The following MNT variants were observed in gnomAD, a reference collection of about 807,000 sequenced individuals.
MNT encodes max-binding protein MNT.
MNT carries 13 observed loss-of-function variants against 40.7 expected under a neutral mutation model. The observed-to-expected ratio is 0.32, with a 90% CI of 0.21 to 0.51. The LOEUF is 0.51. MNT is among the 20% of genes least tolerant of loss of function. The pLI is 0.98. For missense variants in MNT, 757 were observed against 792.0 expected, an observed-to-expected ratio of 0.96 and a Z score of 0.53; for synonymous variants, 426 against 354.8, an observed-to-expected ratio of 1.20 and a Z score of -2.26.
At chr17:2,395,529 C>G in intron 1 of MNT, 75 bp from the exon 2 acceptor site, 1 of 1,590,350 alleles carries the variant, frequency 6.3e-7, no homozygotes. Context: ...GTCCTCTGAC[C>G]CTAGCCCAGT....
In MNT at chr17:2,384,845, C is replaced by A. The variant is rs1323215979; in HGVS notation, c.*2056G>T. The A allele has an allele frequency of 6.6e-6, 1 of 152,646 alleles. No homozygotes were observed. 9.5% of individuals were successfully genotyped at this position (152,646 alleles called of 1,614,324 possible). A position where few individuals can be genotyped will look rare whatever the true frequency, so the allele number is the denominator to read the frequency against. On this transcript the variant is annotated 3_prime_UTR_variant, in exon 6 of 6. Transcript: ENST00000174618. ...GTCATTCGGCACTAGATTTGCAGGC[C>A]CCCGATGCTGGGGGACAGGGACGGG...
At position 2,394,273 on chromosome 17, in the gene MNT, G is replaced by A. The variant is rs187892048; in HGVS notation, c.695+32C>T. 1,255 of 1,351,662 alleles carry A rather than the reference G, an allele frequency of 9.3e-4. 12 individuals are homozygous for A. The East Asian group carries it at 9.4e-3, about 10-fold the overall frequency. The allele number at this position is 1,351,662 out of a possible 1,614,324, so 83.7% of individuals were successfully genotyped here. Reference sequence around the variant, plus strand: ...GGGCCCGGGTCGCGCGCGCACGCACGCACGCACACACACACACACACACAC... The same window carrying A: ...GGGCCCGGGTCGCGCGCGCACGCACACACGCACACACACACACACACACAC... On this transcript the variant is annotated intron_variant, in intron 3 of 5. Coordinates refer to ENST00000174618, the MANE Select transcript of MNT (RefSeq NM_020310.3).
Position 2,384,286 on chromosome 17 carries a change from C to A in MNT, c.*2615G>T, listed in dbSNP as rs2151660752. On this transcript the variant is annotated 3_prime_UTR_variant, in exon 6 of 6. Coordinates refer to ENST00000174618, the MANE Select transcript of MNT (RefSeq NM_020310.3). The stretch of plus-strand genomic sequence containing the variant: ...CAGATGTATCCAAACACATAAAAAT[C>A]TCTACAGTCTGGGGTCGCTACAGTT... The A allele has an allele frequency of 6.6e-6, 1 of 151,162 alleles. No homozygotes were observed. Among genetic ancestry groups the A allele is most frequent in the African/African-American group, 2.4e-5 (1 of 40,972 alleles). 9.4% of individuals were successfully genotyped at this position (151,162 alleles called of 1,614,324 possible).
At chr17:2,389,139 C>T (rs1014487969) in intron 4 of MNT, 2 of 152,678 alleles carry the variant, frequency 1.3e-5, no homozygotes, top group Non-Finnish European at 2.9e-5. Context: ...CCTACCTCCC[C>T]CACTGTCCTT....
At chr17:2,399,027 CGCG>C (rs1472839985) in intron 1 of MNT, among the ~76,000 whole-genome samples, 3 of 151,384 alleles carry the variant, frequency 2.0e-5, no homozygotes, top group Non-Finnish European at 4.4e-5. Flanking sequence ...CCCCGCCCGC[CGCG>C]GCGGCGGCAC....
Position 2,387,890 on chromosome 17 carries a change from C to A in MNT, c.967G>T (p.Glu323Ter). The A allele has an allele frequency of 6.2e-7, 1 of 1,602,792 alleles. No individual in the cohort carries two copies. The highest frequency in any genetic ancestry group is 8.5e-7 in the Non-Finnish European group (1 of 1,178,552). Residue 323 changes from glutamate to a stop codon, truncating the protein, a stop_gained, in exon 5 of 6, where the codon GAG becomes TAG. Coordinates refer to ENST00000174618, the MANE Select transcript of MNT (RefSeq NM_020310.3). LOFTEE classifies it high-confidence loss of function. ...DRVLRQTGQP[E>*]DDQASTSTAS... ...GTGGAGGTGGAGGCCTGGTCATCCT[C>A]GGGCTGGCCCGTCTGCCGCAGCACG...
At position 2,395,123 on chromosome 17, in the gene MNT, G is replaced by A. The variant is rs1290134657; in HGVS notation, c.405C>T (p.Ala135=). The A allele has an allele frequency of 3.2e-5, 47 of 1,479,444 alleles. No individual in the cohort carries two copies. The highest frequency in any genetic ancestry group is 4.1e-5 in the Non-Finnish European group (46 of 1,116,964). 91.6% of individuals were successfully genotyped at this position (1,479,444 alleles called of 1,614,324 possible). A position where few individuals can be genotyped will look rare whatever the true frequency, so the allele number is the denominator to read the frequency against. ...GAPGLSIKEP[A]PLPSRPQVPT... is the part of the protein sequence containing the mutation. The stretch of plus-strand genomic sequence containing the variant: ...GCACCTGCGGCCTGCTGGGCAGGGG[G>A]GCAGGCTCCTTAATGCTGAGTCCGG... Residue 135 remains alanine, a synonymous_variant, in exon 2 of 6, where the codon GCC becomes GCT. Coordinates refer to ENST00000174618, the MANE Select transcript of MNT (RefSeq NM_020310.3).
At position 2,386,790 on chromosome 17, in the gene MNT, G is replaced by C. The variant is rs2066465625; in HGVS notation, c.*111C>G. On this transcript the variant is annotated 3_prime_UTR_variant, in exon 6 of 6. Transcript: ENST00000174618. The stretch of plus-strand genomic sequence containing the variant: ...CCTTCCCCTAGGAGGCCTGGGGGTG[G>C]GTGGGGGGGCTGGCCTGGGCCTGGC... 8.4e-7 allele frequency: 1 copy of C among 1,190,944 alleles called. No individual in the cohort carries two copies. Among genetic ancestry groups the C allele is most frequent in the African/African-American group, 1.6e-5 (1 of 64,198 alleles). 73.8% of individuals were successfully genotyped at this position (1,190,944 alleles called of 1,614,324 possible).
chr17:2,398,924 ACT>A (rs761798375), intron 1 of MNT, among the ~76,000 whole-genome samples: 62 of 151,494 alleles, frequency 4.1e-4, no homozygotes, highest in Non-Finnish European at 7.2e-4. Flanking sequence ...ATCTCCAGTG[ACT>A]CTTGACCTTG....
Position 2,387,503 on chromosome 17 carries a change from G to A in MNT, c.1147C>T (p.His383Tyr), listed in dbSNP as rs2066476047. Residue 383 changes from histidine (H) to tyrosine (Y), a missense_variant, in exon 6 of 6, where the codon CAC becomes TAC. This residue lies in a region of MNT where 345 missense variants were observed against 380.1 expected (regional missense o/e 0.91). Coordinates refer to ENST00000174618, the MANE Select transcript of MNT (RefSeq NM_020310.3). ...TTPAPLPPHP[H>Y]PHPHSVALPP... is the part of the protein sequence containing the mutation. ...AGGGCCACGGAGTGGGGGTGAGGGT[G>A]TGGGTGTGGAGGCAGAGGCGCAGGG... 1 of 1,613,044 alleles carries A rather than the reference G, an allele frequency of 6.2e-7. No individual in the cohort carries two copies. Among genetic ancestry groups the A allele is most frequent in the Non-Finnish European group, 8.5e-7 (1 of 1,179,716 alleles).
At chr17:2,388,365 G>A in intron 4 of MNT, 1 of 341,634 alleles carries the variant, frequency 2.9e-6, no homozygotes, top group East Asian at 5.7e-5. Flanking sequence ...CCCTCCTCCA[G>A]CAGCCTCTTC....
At chr17:2,399,893 G>C (rs2066602866) in intron 1 of MNT, among the ~76,000 whole-genome samples, 1 of 152,212 alleles carries the variant, frequency 6.6e-6, no homozygotes, top group Non-Finnish European at 1.5e-5. Flanking sequence ...CCCGGGGGCT[G>C]ACCCCCAGCG....
rs544345140 is a variant in MNT at position 2,393,796 on chromosome 17, C to T, written c.807+247G>A. The T allele has an allele frequency of 3.5e-5, 7 of 202,328 alleles. No homozygotes were observed. In the East Asian group the frequency reaches 7.5e-4, roughly 22 times the overall value. The allele number at this position is 202,328 out of a possible 1,614,324, so 12.5% of individuals were successfully genotyped here. A position where few individuals can be genotyped will look rare whatever the true frequency, so the allele number is the denominator to read the frequency against. On this transcript the variant is annotated intron_variant, in intron 4 of 5. Transcript: ENST00000174618. ...GGCGCGCGCCTCACGGCCCCGGGGA[C>T]GCCGAGGCTGCAGGGGCTCGGGAGC... is the stretch of plus-strand genomic sequence containing the variant.
chr17:2,390,050 A>G (rs932882684), intron 4 of MNT: 1 of 152,102 alleles, frequency 6.6e-6, no homozygotes, highest in African/African-American at 2.4e-5. Context: ...CGGCTCATAC[A>G]AAGTCTCTCA....
chr17:2,395,100 A>T lies in MNT; in HGVS notation c.428T>A (p.Val143Glu). ...CGGCAGTAGGGGAGCAGGGGTGGGC[A>T]CCTGCGGCCTGCTGGGCAGGGGGGC... ...EPAPLPSRPQ[V>E]PTPAPLLPDS... The change falls in exon 2 of 6, where the codon GTG becomes GAG. Residue 143 changes from valine (V) to glutamate (E), a missense_variant. Physicochemically the swap from Val to Glu is moderately radical, Grantham distance 121 (BLOSUM62 -2). This residue lies in a region of MNT where 335 missense variants were observed against 291.4 expected (regional missense o/e 1.15). Transcript: ENST00000174618. 1 of 1,499,830 alleles carries T rather than the reference A, an allele frequency of 6.7e-7. No individual in the cohort carries two copies. Among genetic ancestry groups the T allele is most frequent in the Non-Finnish European group, 8.9e-7 (1 of 1,126,042 alleles). The allele number at this position is 1,499,830 out of a possible 1,614,324, so 92.9% of individuals were successfully genotyped here.
Position 2,387,603 on chromosome 17 carries a change from G to A in MNT, c.1047C>T (p.Gly349=), listed in dbSNP as rs758265675. The change falls in exon 6 of 6, where the codon GGC becomes GGT. Residue 349 remains glycine, a synonymous_variant. Transcript: ENST00000174618. ...IDEDMEEDRA[G]LGPPKLSHRP... is the part of the protein sequence containing the mutation. The stretch of plus-strand genomic sequence containing the variant: ...GATGGCTCAGCTTAGGTGGGCCCAG[G>A]CCCGCCCGGTCCTCCTCCATATCCT... 1.2e-5 allele frequency: 19 copies of A among 1,614,004 alleles called. No individual in the cohort carries two copies. The highest frequency in any genetic ancestry group is 1.6e-4 in the Middle Eastern group (1 of 6,084).
chr17:2,393,017 C>G (rs996315530), intron 4 of MNT, among the ~76,000 whole-genome samples: 3 of 150,006 alleles, frequency 2.0e-5, no homozygotes, highest in African/African-American at 7.6e-5. Flanking sequence ...AGGGGCGGCG[C>G]CCAGCGGCTG....
At chr17:2,400,556 G>GTC in intron 1 of MNT, 84 bp downstream of exon 1, 2 of 1,362,494 alleles carry the variant, frequency 1.5e-6, no homozygotes, top group South Asian at 3.0e-5. Flanking sequence ...AGGGGGCCCT[G>GTC]TCCGCGGTTT....
intron 1 of MNT, 78 bp downstream of exon 1, chr17:2,400,562 G>T (rs780378316): frequency 4.3e-5 from 61 of 1,407,648 alleles, no homozygotes; most frequent in Non-Finnish European, 5.5e-5. Context: ...CCCTGTCCGC[G>T]GTTTCGCGTG....
Sources: gnomAD v4.1 joint callset for allele counts (sites outside exome capture counted in the v4.1 genomes callset) on GRCh38, gnomAD v4.1.1 for gene constraint, gnomAD v4.1.1 regional missense constraint, MANE v1.5 for transcripts, NCBI Gene and HGNC (gene_info 2026-07-23, HGNC 2026-07-21) for gene names.